Variants in ROBO1 observed in about 807,000 individuals in gnomAD.
ROBO1 encodes the protein roundabout homolog 1.
Under a neutral mutation model 195.9 loss-of-function variants are expected in ROBO1, and 149 were observed. The ratio of observed to expected loss-of-function variants is 0.76; its 90% CI spans 0.67 to 0.87. The LOEUF is 0.87. Among genes scored for constraint, ROBO1 ranks in the 40% least tolerant of loss-of-function variants. ROBO1 has a pLI of 0.00. For synonymous variants in ROBO1, 816 were observed against 733.2 expected (o/e 1.11, Z -1.82); for missense variants, 1,933 against 2,068.3 (o/e 0.93, Z 1.27).
intron 1 of ROBO1, among the ~76,000 whole-genome samples, chr3:79,689,503 A>T (rs747239878): frequency 6.6e-6 from 1 of 151,950 alleles, no homozygotes; most frequent in Non-Finnish European, 1.5e-5. Context: ...ATTAAGTGAG[A>T]TATATGGTAC....
intron 4 of ROBO1, among the ~76,000 whole-genome samples, chr3:78,868,451 A>G (rs1008042221): frequency 6.6e-6 from 1 of 152,182 alleles, no homozygotes; most frequent in African/African-American, 2.4e-5. Context: ...AATAAATTTA[A>G]TATGTGTTTA....
At position 79,043,276 on chromosome 3, in the gene ROBO1, A is replaced by G. The variant is rs79062140; in HGVS notation, c.172+82180T>C. Among the ~76,000 whole-genome samples, 32 of 152,208 alleles carry G rather than the reference A, an allele frequency of 2.1e-4. No homozygotes were observed. The East Asian group carries it at 5.8e-3, about 28-fold the overall frequency. ...CCCTAATAAGTCAATTTAACACCAAATCACCAAATTCCATGTCCTCAAGTG... is the reference window on the plus strand; with the variant it reads ...CCCTAATAAGTCAATTTAACACCAAGTCACCAAATTCCATGTCCTCAAGTG... On this transcript the variant is annotated intron_variant, in intron 3 of 30. Transcript: ENST00000464233.
chr3:79,577,931 CA>C (rs1182068579), intron 2 of ROBO1, among the ~76,000 whole-genome samples: 4 of 151,352 alleles, frequency 2.6e-5, no homozygotes, highest in African/African-American at 7.3e-5. Flanking sequence ...AAACAAAAAA[CA>C]AAAAAACCCA....
rs145152092 is a variant in ROBO1, at chr3:78,793,312, G to C, written c.500-46412C>G. On this transcript the variant is annotated intron_variant, in intron 4 of 30. Transcript: ENST00000464233. ...TGTTTTTAACAAAGAATGCATAGCA[G>C]AATCTCCTGCAGAATTAAAAGATAG... Among the ~76,000 whole-genome samples the C allele has an allele frequency of 4.1e-3, 629 of 152,206 alleles. 4 individuals carry two copies. Among genetic ancestry groups the C allele is most frequent in the African/African-American group, 0.014 (586 of 41,524 alleles).
intron 1 of ROBO1, among the ~76,000 whole-genome samples, chr3:79,700,084 G>T (rs1198517729): frequency 6.6e-6 from 1 of 151,692 alleles, no homozygotes; most frequent in Non-Finnish European, 1.5e-5. Context: ...AAAACATGCG[G>T]TATTTGATTT....
intron 2 of ROBO1, among the ~76,000 whole-genome samples, chr3:79,587,302 C>T (rs1943859735): frequency 6.6e-6 from 1 of 151,758 alleles, no homozygotes; most frequent in Admixed American, 6.6e-5. Context: ...TACTTACACC[C>T]AGTAACCTAG....
At chr3:78,786,655 G>A (rs1375072632) in intron 4 of ROBO1, among the ~76,000 whole-genome samples, 1 of 151,982 alleles carries the variant, frequency 6.6e-6, no homozygotes. Flanking sequence ...TAAGTCTCAC[G>A]AGATCTGATG....
chr3:79,070,184 T>C (rs2079063947), intron 3 of ROBO1, among the ~76,000 whole-genome samples: 1 of 151,904 alleles, frequency 6.6e-6, no homozygotes, highest in African/African-American at 2.4e-5. Flanking sequence ...TCACTCACTT[T>C]CCATATTGTT....
At chr3:78,959,469 C>T (rs2041226964) in intron 3 of ROBO1, among the ~76,000 whole-genome samples, 1 of 151,990 alleles carries the variant, frequency 6.6e-6, no homozygotes, top group Non-Finnish European at 1.5e-5. Context: ...TGTTACATGG[C>T]AGAGACCCGA....
chr3:78,646,896 G>C (rs1706329573), intron 20 of ROBO1, among the ~76,000 whole-genome samples: 1 of 151,930 alleles, frequency 6.6e-6, no homozygotes, highest in Admixed American at 6.6e-5. Flanking sequence ...CACATAGTTA[G>C]GCTAAGTGGT....
At chr3:79,359,403 AATC>A (rs1012180990) in intron 2 of ROBO1, among the ~76,000 whole-genome samples, 41 of 152,188 alleles carry the variant, frequency 2.7e-4, no homozygotes, top group African/African-American at 8.7e-4. Flanking sequence ...TGGTCAAAAT[AATC>A]TCAAAAGGCT....
chr3:78,639,834 T>C lies in ROBO1; in HGVS notation c.2947A>G (p.Thr983Ala), dbSNP rs1271549549. Reference sequence around the variant, plus strand: ...GAGCAGTCATTGTGGTTGTTGCCAGTATTAGGCCACGTGTCTGCCAGCCAT... The same window carrying C: ...GAGCAGTCATTGTGGTTGTTGCCAGCATTAGGCCACGTGTCTGCCAGCCAT... The part of the protein sequence containing the change: ...QPWLADTWPN[T>A]GNNHNDCSIS... The change falls in exon 22 of 31, where the codon ACT (threonine) becomes GCT (alanine). Residue 983 changes from threonine (T) to alanine (A), a missense_variant. Physicochemically the swap from Thr to Ala is moderately conservative, Grantham distance 58 (BLOSUM62 0). Coordinates refer to ENST00000464233, the MANE Select transcript of ROBO1 (RefSeq NM_002941.4). The C allele has an allele frequency of 6.2e-7, 1 of 1,613,366 alleles. No individual in the cohort carries two copies. Among genetic ancestry groups the C allele is most frequent in the Non-Finnish European group, 8.5e-7 (1 of 1,179,588 alleles).
chr3:79,342,634 C>A (rs747620688), intron 2 of ROBO1, among the ~76,000 whole-genome samples: 1 of 151,862 alleles, frequency 6.6e-6, no homozygotes, highest in African/African-American at 2.4e-5. Flanking sequence ...GATTAAGAGA[C>A]TATAATGACT....
At position 79,502,257 on chromosome 3, in the gene ROBO1, G is replaced by A. The variant is rs562976904; in HGVS notation, c.88+87567C>T. ...CCTCAGCTTGCGGGGAGGTGTGGAG[G>A]GAGATGCGCGGGCGGGAACCGGGGC... On this transcript the variant is annotated intron_variant, in intron 2 of 30. Transcript: ENST00000464233. Among the ~76,000 whole-genome samples, 47 of 152,320 alleles carry A rather than the reference G, an allele frequency of 3.1e-4. 1 individual carries two copies. In the South Asian group the frequency reaches 8.9e-3, roughly 29 times the overall value.
chr3:79,211,709 A>G (rs753120534), intron 2 of ROBO1, among the ~76,000 whole-genome samples: 17 of 152,142 alleles, frequency 1.1e-4, no homozygotes, highest in Non-Finnish European at 1.8e-4. Flanking sequence ...GAGTTGCTTC[A>G]GAGAGCTCCA....
At chr3:78,954,395 A>G (rs2040937853) in intron 3 of ROBO1, among the ~76,000 whole-genome samples, 1 of 152,080 alleles carries the variant, frequency 6.6e-6, no homozygotes, top group Admixed American at 6.6e-5. Flanking sequence ...ATACAAAAAT[A>G]CTATGGGTAG....
chr3:79,513,214 G>A (rs571038759), intron 2 of ROBO1, among the ~76,000 whole-genome samples: 1 of 152,062 alleles, frequency 6.6e-6, no homozygotes, highest in East Asian at 1.9e-4. Flanking sequence ...TTTCAGTCTC[G>A]TATTTTATGA....
chr3:79,507,001 C>A (rs1478595889), intron 2 of ROBO1, among the ~76,000 whole-genome samples: 1 of 152,180 alleles, frequency 6.6e-6, no homozygotes, highest in East Asian at 1.9e-4. Flanking sequence ...GCAGCCACAT[C>A]ACCTAGATTC....
chr3:78,740,156 C>T (rs1242553363), intron 5 of ROBO1, among the ~76,000 whole-genome samples: 2 of 152,040 alleles, frequency 1.3e-5, no homozygotes, highest in African/African-American at 2.4e-5. Flanking sequence ...TTACTATTAT[C>T]ATCATCATCA....
Sources: allele counts gnomAD v4.1 joint callset (sites outside exome capture counted in the v4.1 genomes callset), GRCh38; gene constraint gnomAD v4.1.1; transcripts MANE v1.5; gene names NCBI Gene and HGNC (gene_info 2026-07-23, HGNC 2026-07-21).